ZGRF1: variants seen among roughly 807,000 people sequenced by gnomAD.
ZGRF1 encodes 5'-3' DNA helicase ZGRF1.
Under a neutral mutation model 203.5 loss-of-function variants are expected in ZGRF1, and 196 were observed. The observed-to-expected ratio is 0.96, with a 90% confidence interval of 0.86 to 1.08. The LOEUF (loss-of-function observed/expected upper bound fraction) is 1.08. Among genes scored for constraint, ZGRF1 ranks in the 50% least tolerant of loss-of-function variants. ZGRF1 has a pLI of 0.00. For synonymous variants in ZGRF1, 809 were observed against 841.3 expected, an observed-to-expected ratio of 0.96 and a Z score of 0.66; for missense variants, 2,326 against 2,416.3, an observed-to-expected ratio of 0.96 and a Z score of 0.78.
At chr4:112,540,616 A>G (rs1177069914) in intron 26 of ZGRF1, among the ~76,000 whole-genome samples, 1 of 152,156 alleles carries the variant, frequency 6.6e-6, no homozygotes, top group Non-Finnish European at 1.5e-5. Context: ...ACTAAATTTA[A>G]TTAAACCTTG....
intron 24 of ZGRF1, among the ~76,000 whole-genome samples, chr4:112,546,207 T>C (rs1309146098): frequency 6.6e-6 from 1 of 151,724 alleles, no homozygotes; most frequent in Non-Finnish European, 1.5e-5. Flanking sequence ...AATAAATAAA[T>C]CCATACAGAG....
At chr4:112,590,354 T>C (rs549103830) in intron 10 of ZGRF1, among the ~76,000 whole-genome samples, 1 of 152,364 alleles carries the variant, frequency 6.6e-6, no homozygotes, top group East Asian at 1.9e-4. Flanking sequence ...ACAGTTCATA[T>C]GTTATTCTTG....
intron 16 of ZGRF1, among the ~76,000 whole-genome samples, chr4:112,579,069 C>A (rs1745746881): frequency 8.2e-6 from 1 of 122,662 alleles, no homozygotes; most frequent in African/African-American, 2.8e-5. Context: ...AAAGCTTATC[C>A]ACCATGATCA....
intron 10 of ZGRF1, among the ~76,000 whole-genome samples, chr4:112,599,725 A>G (rs1228448424): frequency 6.6e-6 from 1 of 152,138 alleles, no homozygotes; most frequent in East Asian, 1.9e-4. Context: ...CTGTTTAAAA[A>G]AAAAGGAAGA....
chr4:112,624,755 T>C (rs1029075706), intron 3 of ZGRF1, among the ~76,000 whole-genome samples: 1 of 152,138 alleles, frequency 6.6e-6, no homozygotes, highest in Non-Finnish European at 1.5e-5. Context: ...CACTAGCCCT[T>C]TTAATATTGG....
chr4:112,587,394 C>T lies in ZGRF1; in HGVS notation c.3663G>A (p.Ser1221=), dbSNP rs760904066. ...GAGAAAGTACTTTCTTTCTGGAAACCGAATCTTGACTGCTAAAATCCTGCC... is the reference window on the plus strand; with the variant it reads ...GAGAAAGTACTTTCTTTCTGGAAACTGAATCTTGACTGCTAAAATCCTGCC... ...QQRQDFSSQD[S]VSRKKVLSLN... is the part of the protein sequence containing the mutation. Residue 1221 remains serine (S), a synonymous_variant, in exon 12 of 28, where the codon TCG becomes TCA. Coordinates refer to ENST00000505019, the MANE Select transcript of ZGRF1 (RefSeq NM_018392.5). The T allele has an allele frequency of 1.1e-5, 18 of 1,613,788 alleles. No individual in the cohort carries two copies. The highest frequency in any genetic ancestry group is 4.4e-5 in the South Asian group (4 of 91,074).
chr4:112,619,245 G>T lies in ZGRF1; in HGVS notation c.797C>A (p.Ser266Ter). 1.9e-6 allele frequency: 3 copies of T among 1,613,192 alleles called. No individual in the cohort carries two copies. Among genetic ancestry groups the T allele is most frequent in the Non-Finnish European group, 2.5e-6 (3 of 1,179,958 alleles). Residue 266 changes from serine to a stop codon, truncating the protein, a stop_gained, in exon 6 of 28, where the codon TCA becomes TAA. Transcript: ENST00000505019. LOFTEE classifies it high-confidence loss of function. ...LALLKSESSS[S>*]CEELNSEMTE... ...CATCTCAGAATTTAGTTCCTCACAT[G>T]AACTAGATGATTCGGACTTCAGAAG...
At position 112,616,049 on chromosome 4, in the gene ZGRF1, CAT is replaced by C. The variant is rs569100548; in HGVS notation, c.2602+1389_2602+1390del. Among the ~76,000 whole-genome samples, 515 of 152,296 alleles carry C rather than the reference CAT, an allele frequency of 3.4e-3. 2 individuals carry two copies. The highest frequency in any genetic ancestry group is 0.011 in the African/African-American group (472 of 41,564). On this transcript the variant is annotated intron_variant, in intron 6 of 27. Transcript: ENST00000505019. ...TAATTTATATTTTTCTCAGGAATCACATGAGATACTCAAAAGTTCAATTTTAC... is the reference window on the plus strand; with the variant it reads ...TAATTTATATTTTTCTCAGGAATCACGAGATACTCAAAAGTTCAATTTTAC...
chr4:112,587,008 G>A (rs1056666066), intron 12 of ZGRF1, among the ~76,000 whole-genome samples: 3 of 152,162 alleles, frequency 2.0e-5, no homozygotes, highest in African/African-American at 4.8e-5. Flanking sequence ...TGGTAGTAGT[G>A]ATGGAAACAA....
intron 3 of ZGRF1, among the ~76,000 whole-genome samples, chr4:112,627,488 C>G (rs1423476872): frequency 6.6e-6 from 1 of 152,142 alleles, no homozygotes; most frequent in African/African-American, 2.4e-5. Context: ...TGTCTGTAAT[C>G]CCAGCACTTT....
chr4:112,553,458 T>C (rs1740335881), intron 22 of ZGRF1, among the ~76,000 whole-genome samples: 1 of 152,242 alleles, frequency 6.6e-6, no homozygotes, highest in South Asian at 2.1e-4. Context: ...TTTGGATATT[T>C]TACTCAGGGT....
chr4:112,544,508 G>C (rs1738356264), intron 24 of ZGRF1, among the ~76,000 whole-genome samples: 1 of 152,170 alleles, frequency 6.6e-6, no homozygotes, highest in African/African-American at 2.4e-5. Flanking sequence ...GTTTTTAGTA[G>C]AATTGAAGGC....
chr4:112,547,302 CA>C lies in ZGRF1; in HGVS notation c.5580del (p.Phe1860LeufsTer6). The part of the protein sequence containing the change: ...AHENGLEQTL[F>X]DRLCLMGHKP... The stretch of plus-strand genomic sequence containing the variant: ...GTATGTACCATTAAGCAAAGTCGAT[CA>C]AAAAGAGTTTGTTCCAATCCATTTT... On this transcript the variant is annotated frameshift_variant, in exon 24 of 28. Transcript: ENST00000505019. LOFTEE classifies it high-confidence loss of function. The C allele has an allele frequency of 6.2e-7, 1 of 1,612,658 alleles. No individual in the cohort carries two copies. The highest frequency in any genetic ancestry group is 8.5e-7 in the Non-Finnish European group (1 of 1,179,524).
At chr4:112,623,752 T>A in intron 4 of ZGRF1, 65 bp downstream of exon 4, 3 of 779,454 alleles carry the variant, frequency 3.8e-6, no homozygotes, top group Non-Finnish European at 6.5e-6. Flanking sequence ...ACAATATTCA[T>A]AAAGGAGGTA....
At chr4:112,562,323 G>A in intron 18 of ZGRF1, 48 bp downstream of exon 18, 1 of 965,604 alleles carries the variant, frequency 1.0e-6, no homozygotes. Context: ...ATTTACTTCT[G>A]ATTACCATTT....
Position 112,617,747 on chromosome 4 carries a change from A to C in ZGRF1, c.2295T>G (p.Phe765Leu). The change falls in exon 6 of 28, where the codon TTT (phenylalanine) becomes TTG (leucine). Residue 765 changes from phenylalanine (F) to leucine (L), a missense_variant. Coordinates refer to ENST00000505019, the MANE Select transcript of ZGRF1 (RefSeq NM_018392.5). ...KSNTHISNSL[F>L]YPLGKKHLIS... ...TAAGATGCTTTTTTCCCAGTGGGTA[A>C]AACAAAGAATTGGAAATGTGGGTAT... The C allele has an allele frequency of 6.2e-7, 1 of 1,614,128 alleles. No homozygotes were observed. Among genetic ancestry groups the C allele is most frequent in the African/African-American group, 1.3e-5 (1 of 75,060 alleles).
At chr4:112,615,869 A>T (rs1578455588) in intron 6 of ZGRF1, among the ~76,000 whole-genome samples, 1 of 148,018 alleles carries the variant, frequency 6.8e-6, no homozygotes, top group African/African-American at 2.5e-5. Flanking sequence ...TCCCGACCTC[A>T]GGTGATCCAC....
chr4:112,540,171 C>T (rs1295980242), intron 26 of ZGRF1, 47 bp from the exon 27 acceptor site: 2 of 1,419,434 alleles, frequency 1.4e-6, no homozygotes, highest in African/African-American at 2.9e-5. Context: ...TTGTGAAGAA[C>T]TTAAGCCTCT....
Position 112,584,103 on chromosome 4 carries a change from C to T in ZGRF1, c.4173G>A (p.Val1391=), listed in dbSNP as rs775790624. 1.2e-6 allele frequency: 2 copies of T among 1,613,450 alleles called. No homozygotes were observed. Among genetic ancestry groups the T allele is most frequent in the Non-Finnish European group, 8.5e-7 (1 of 1,179,646 alleles). The change falls in exon 15 of 28, where the codon GTG becomes GTA. Residue 1391 remains valine (V), a synonymous_variant. Coordinates refer to ENST00000505019, the MANE Select transcript of ZGRF1 (RefSeq NM_018392.5). The part of the protein sequence containing the change: ...RCKFFKWLED[V]TPGYSTQEGA... The stretch of plus-strand genomic sequence containing the variant: ...CTTCCTGTGTTGAATATCCTGGAGT[C>T]ACGTCCTCAAGCCATTTAAAGAATT...
Sources: gnomAD v4.1 joint callset for allele counts (sites outside exome capture counted in the v4.1 genomes callset) on GRCh38, gnomAD v4.1.1 for gene constraint, MANE v1.5 for transcripts, NCBI Gene and HGNC (gene_info 2026-07-23, HGNC 2026-07-21) for gene names.